Variants in AFF3 observed in about 807,000 individuals in gnomAD.
AFF3 encodes ALF transcription elongation factor 3.
AFF3 carries 32 observed loss-of-function variants against 129.7 expected under a neutral mutation model. The observed-to-expected ratio is 0.25, with a 90% confidence interval of 0.19 to 0.33. The LOEUF is 0.33. Among genes scored for constraint, AFF3 ranks in the 10% least tolerant of loss-of-function variants. The probability of loss-of-function intolerance (pLI) is 1.00; values close to 1 mark genes in which losing one functional copy is unlikely to be tolerated. For missense variants in AFF3, 1,373 were observed against 1,592.0 expected, an observed-to-expected ratio of 0.86 and a Z score of 2.34; for synonymous variants, 644 against 635.4, an observed-to-expected ratio of 1.01 and a Z score of -0.20.
In AFF3 at chr2:99,579,405, CAA is replaced by C. The variant is rs778716552; in HGVS notation, c.2794-956_2794-955del. ...GGGCAACAAGAGTGAAACTCCGTCT[CAA>C]AAAAAAAAAAAAATAAATAAATAAA... On this transcript the variant is annotated intron_variant, in intron 17 of 24. Coordinates refer to ENST00000672756, the MANE Select transcript of AFF3 (RefSeq NM_001386135.1). 9.1e-3 allele frequency among the ~76,000 whole-genome samples: 968 copies of C among 106,938 alleles called. 4 individuals carry two copies. Among genetic ancestry groups the C allele is most frequent in the African/African-American group, 0.018 (578 of 32,294 alleles). 70.2% of individuals were successfully genotyped at this position (106,938 alleles called of 152,430 possible). A position where few individuals can be genotyped will look rare whatever the true frequency, so the allele number is the denominator to read the frequency against.
chr2:100,012,196 G>T (rs980318622), intron 4 of AFF3, among the ~76,000 whole-genome samples: 1 of 152,094 alleles, frequency 6.6e-6, no homozygotes, highest in Non-Finnish European at 1.5e-5. Flanking sequence ...CACACCATAA[G>T]ATGAACCCAG....
chr2:99,763,461 T>C (rs1261894273), intron 8 of AFF3, among the ~76,000 whole-genome samples: 1 of 152,078 alleles, frequency 6.6e-6, no homozygotes, highest in Non-Finnish European at 1.5e-5. Flanking sequence ...GGTGGGAGGA[T>C]CTCTTGAGCC....
At chr2:99,568,403 A>G (rs1676170103) in intron 19 of AFF3, among the ~76,000 whole-genome samples, 1 of 152,224 alleles carries the variant, frequency 6.6e-6, no homozygotes, top group Admixed American at 6.5e-5. Context: ...CGTGCAGATA[A>G]TAGTTTCTGT....
At chr2:99,854,736 T>A (rs1478697218) in intron 7 of AFF3, among the ~76,000 whole-genome samples, 1 of 152,102 alleles carries the variant, frequency 6.6e-6, no homozygotes, top group African/African-American at 2.4e-5. Flanking sequence ...CAGGAAGTCT[T>A]GAAAACAAAG....
At chr2:99,980,258 G>A (rs1045559928) in intron 7 of AFF3, among the ~76,000 whole-genome samples, 1 of 152,128 alleles carries the variant, frequency 6.6e-6, no homozygotes, top group African/African-American at 2.4e-5. Flanking sequence ...AGGCTGTCTG[G>A]TACACTTGGT....
intron 13 of AFF3, among the ~76,000 whole-genome samples, chr2:99,617,869 C>T (rs1254654600): frequency 6.6e-6 from 1 of 152,192 alleles, no homozygotes; most frequent in African/African-American, 2.4e-5. Context: ...CAGTGACTCA[C>T]TCTAGGTTGC....
intron 7 of AFF3, among the ~76,000 whole-genome samples, chr2:100,001,952 G>A (rs1291438790): frequency 4.6e-5 from 7 of 152,200 alleles, no homozygotes; most frequent in South Asian, 2.1e-4. Flanking sequence ...GCTGCCCATC[G>A]AGCAGACAGG....
chr2:99,876,886 C>T (rs1023942155), intron 7 of AFF3, among the ~76,000 whole-genome samples: 2 of 152,126 alleles, frequency 1.3e-5, no homozygotes, highest in African/African-American at 2.4e-5. Flanking sequence ...TTTCAGCTCT[C>T]TAAGTCATCC....
At chr2:99,624,590 A>T (rs1386378637) in intron 13 of AFF3, among the ~76,000 whole-genome samples, 1 of 152,212 alleles carries the variant, frequency 6.6e-6, no homozygotes, top group Admixed American at 6.5e-5. Context: ...GCCACTTGCA[A>T]GGAGGTGAGG....
chr2:99,913,853 C>T (rs1243044352), intron 7 of AFF3, among the ~76,000 whole-genome samples: 1 of 152,072 alleles, frequency 6.6e-6, no homozygotes, highest in African/African-American at 2.4e-5. Context: ...CAATCATAAC[C>T]TACTGAATAA....
intron 13 of AFF3, among the ~76,000 whole-genome samples, chr2:99,621,768 T>A (rs1323632581): frequency 1.3e-5 from 2 of 152,088 alleles, no homozygotes; most frequent in Non-Finnish European, 2.9e-5. Flanking sequence ...CAGGCAGGAA[T>A]TCTTGGAGGA....
At chr2:99,822,103 G>A (rs573012230) in intron 8 of AFF3, among the ~76,000 whole-genome samples, 32 of 152,094 alleles carry the variant, frequency 2.1e-4, no homozygotes, top group Non-Finnish European at 3.5e-4. Context: ...TTTAAACTCC[G>A]TCTCTTACTC....
intron 15 of AFF3, among the ~76,000 whole-genome samples, chr2:99,589,686 A>G (rs936147781): frequency 6.6e-6 from 1 of 152,106 alleles, no homozygotes; most frequent in Non-Finnish European, 1.5e-5. Flanking sequence ...GGAGTAAGCC[A>G]CCACGGCCGG....
intron 15 of AFF3, among the ~76,000 whole-genome samples, chr2:99,590,998 CAAA>C (rs762274125): frequency 2.7e-5 from 3 of 112,690 alleles, no homozygotes; most frequent in Non-Finnish European, 3.7e-5. Context: ...AACTCTGTCT[CAAA>C]AAAAAAAAAA....
In AFF3 at chr2:99,960,196, T is replaced by C. The variant is rs192310781; in HGVS notation, c.873+46436A>G. On this transcript the variant is annotated intron_variant, in intron 7 of 24. Transcript: ENST00000672756. ...AATCAAGATTTTACAATAAACGAAA[T>C]GTGAAAATGTATCTTTTAAAAATCC... Among the ~76,000 whole-genome samples, 319 of 152,306 alleles carry C rather than the reference T, an allele frequency of 2.1e-3. 2 individuals carry two copies. Among genetic ancestry groups the C allele is most frequent in the Non-Finnish European group, 3.5e-3 (235 of 68,014 alleles).
chr2:99,846,366 G>A (rs1264327751), intron 7 of AFF3, among the ~76,000 whole-genome samples: 2 of 152,068 alleles, frequency 1.3e-5, no homozygotes, highest in East Asian at 3.9e-4. Flanking sequence ...CTGACCTCAG[G>A]TGATCTGCCC....
At chr2:100,049,241 G>A (rs947930672) in intron 4 of AFF3, among the ~76,000 whole-genome samples, 3 of 152,140 alleles carry the variant, frequency 2.0e-5, no homozygotes, top group Non-Finnish European at 4.4e-5. Context: ...GTGTGACACC[G>A]TGTACTTCCT....
At chr2:99,873,704 G>T (rs1454086939) in intron 7 of AFF3, among the ~76,000 whole-genome samples, 1 of 150,114 alleles carries the variant, frequency 6.7e-6, no homozygotes, top group African/African-American at 2.4e-5. Context: ...TAATCCAGGT[G>T]TGACAAAAAT....
chr2:99,724,533 A>G (rs533189086), intron 11 of AFF3, among the ~76,000 whole-genome samples: 1 of 152,114 alleles, frequency 6.6e-6, no homozygotes, highest in East Asian at 1.9e-4. Context: ...TGGGCCTCCC[A>G]AAGTGCTGGG....
Sources: gnomAD v4.1 joint callset for allele counts (sites outside exome capture counted in the v4.1 genomes callset) on GRCh38, gnomAD v4.1.1 for gene constraint, MANE v1.5 for transcripts, NCBI Gene and HGNC (gene_info 2026-07-23, HGNC 2026-07-21) for gene names.